EFCAB5: variants seen among roughly 807,000 people sequenced by gnomAD.
EFCAB5 encodes the protein EF-hand calcium-binding domain-containing protein 5.
Under a neutral mutation model 167.9 loss-of-function variants are expected in EFCAB5, and 131 were observed. That is an observed-to-expected ratio of 0.78 (90% CI 0.68 to 0.90). The LOEUF (loss-of-function observed/expected upper bound fraction) is 0.90, where lower values mean the gene tolerates loss of function less well. Among genes scored for constraint, EFCAB5 ranks in the 40% least tolerant of loss-of-function variants. The pLI is 0.00. For missense variants in EFCAB5, 1,663 were observed against 1,745.2 expected (o/e 0.95, Z 0.84); for synonymous variants, 574 against 602.8 (o/e 0.95, Z 0.70).
intron 14 of EFCAB5, chr17:30,068,647 C>T: frequency 6.6e-7 from 1 of 1,526,272 alleles, no homozygotes; most frequent in South Asian, 1.3e-5. Flanking sequence ...GGACATCACG[C>T]TGCTATTCCG....
intron 7 of EFCAB5, among the ~76,000 whole-genome samples, chr17:30,005,202 A>G (rs1190379065): frequency 6.6e-6 from 1 of 152,126 alleles, no homozygotes; most frequent in Non-Finnish European, 1.5e-5. Context: ...TCTTATCACC[A>G]ACAGTAGGTA....
intron 3 of EFCAB5, among the ~76,000 whole-genome samples, chr17:29,962,672 G>T: frequency 2.4e-5 from 3 of 125,226 alleles, no homozygotes; most frequent in South Asian, 2.7e-4. Context: ...TCGGTATGTT[G>T]CCCTATTGAA....
At chr17:30,050,614 C>T (rs1378616702) in intron 8 of EFCAB5, among the ~76,000 whole-genome samples, 1 of 152,048 alleles carries the variant, frequency 6.6e-6, no homozygotes. Flanking sequence ...TTTTTTGAAG[C>T]AATGGAGGTC....
chr17:30,073,673 G>T, intron 14 of EFCAB5: 1 of 712,266 alleles, frequency 1.4e-6, no homozygotes, highest in South Asian at 1.5e-5. Flanking sequence ...TTTTCCTCTT[G>T]AGACCAAATT....
intron 8 of EFCAB5, among the ~76,000 whole-genome samples, chr17:30,041,058 C>T (rs900142993): frequency 6.6e-6 from 1 of 152,122 alleles, no homozygotes; most frequent in African/African-American, 2.4e-5. Context: ...TAAGGACGAC[C>T]CAAATGTGTA....
rs545947771 is a variant in EFCAB5 at position 30,044,176 on chromosome 17, C to G, written c.1201-6942C>G. ...CATCGAAATAGGTTCAATTATTCAT[C>G]AGATTATAATTAATCTGATCAATTA... is the stretch of plus-strand genomic sequence containing the variant. On this transcript the variant is annotated intron_variant, in intron 8 of 22. Transcript: ENST00000394835. 2.6e-5 allele frequency among the ~76,000 whole-genome samples: 4 copies of G among 152,224 alleles called. No homozygotes were observed. The East Asian group carries it at 7.7e-4, about 29-fold the overall frequency.
intron 7 of EFCAB5, among the ~76,000 whole-genome samples, chr17:30,008,983 G>A (rs989747295): frequency 6.6e-6 from 1 of 152,146 alleles, no homozygotes; most frequent in Non-Finnish European, 1.5e-5. Context: ...CCAACTTCTG[G>A]TGGCTGTTGG....
At chr17:30,056,932 AT>A (rs201199173) in intron 12 of EFCAB5, among the ~76,000 whole-genome samples, 23 of 150,754 alleles carry the variant, frequency 1.5e-4, no homozygotes, top group African/African-American at 4.1e-4. Flanking sequence ...GTGAGTAATC[AT>A]TTTTTTTAAT....
At chr17:30,068,772 C>A in intron 14 of EFCAB5, 1 of 1,371,576 alleles carries the variant, frequency 7.3e-7, no homozygotes, top group Non-Finnish European at 1.0e-6. Context: ...CCAAGGGCAA[C>A]TTCTCCAGCC....
chr17:30,059,638 A>T lies in EFCAB5; in HGVS notation c.2674A>T (p.Lys892Ter). 1 of 1,612,998 alleles carries T rather than the reference A, an allele frequency of 6.2e-7. No individual in the cohort carries two copies. Among genetic ancestry groups the T allele is most frequent in the African/African-American group, 1.3e-5 (1 of 75,034 alleles). ...DSDGSGFLDL[K>*]EVDELLYTYK... is the part of the protein sequence containing the mutation. The stretch of plus-strand genomic sequence containing the variant: ...TGATGGCTCAGGCTTCCTGGATCTG[A>T]AGGAAGTTGATGAACTCTTGTACAC... The change falls in exon 14 of 23, where the codon AAG becomes TAG. Residue 892 changes from lysine (K) to a stop codon, truncating the protein, a stop_gained. Transcript: ENST00000394835. LOFTEE classifies it high-confidence loss of function.
At chr17:29,966,321 A>G (rs2067825535) in intron 3 of EFCAB5, among the ~76,000 whole-genome samples, 1 of 152,072 alleles carries the variant, frequency 6.6e-6, no homozygotes, top group Admixed American at 6.6e-5. Flanking sequence ...TGACACTTTT[A>G]TAAGATTAAT....
chr17:30,091,170 C>T (rs2071188224), intron 20 of EFCAB5, among the ~76,000 whole-genome samples: 2 of 152,112 alleles, frequency 1.3e-5, no homozygotes, highest in South Asian at 4.1e-4. Flanking sequence ...GATAAAGATG[C>T]TAAAGACTGC....
rs192845342 is a variant in EFCAB5 at position 30,095,218 on chromosome 17, G to A, written c.4321+2282G>A. ...TTTTCTGTGTAGAACCTGGGTCTCT[G>A]CCAAGTGACCATACCTCCTCCCCTA... On this transcript the variant is annotated intron_variant, in intron 22 of 22. Transcript: ENST00000394835. Among the ~76,000 whole-genome samples the A allele has an allele frequency of 3.4e-4, 52 of 152,002 alleles. No individual in the cohort carries two copies. In the East Asian group the frequency reaches 5.8e-3, roughly 17 times the overall value.
chr17:30,079,083 G>A (rs1192493900), intron 15 of EFCAB5, among the ~76,000 whole-genome samples: 1 of 152,208 alleles, frequency 6.6e-6, no homozygotes, highest in Admixed American at 6.5e-5. Flanking sequence ...GGCAGAAACA[G>A]CACAGCCGCC....
In EFCAB5 at chr17:30,094,507, CAAAAAA is replaced by C. The variant is rs57885339; in HGVS notation, c.4321+1593_4321+1598del. Among the ~76,000 whole-genome samples, 31 of 40,716 alleles carry C rather than the reference CAAAAAA, an allele frequency of 7.6e-4. No individual in the cohort carries two copies. The South Asian group carries it at 0.024, about 31-fold the overall frequency. 26.7% of individuals were successfully genotyped at this position (40,716 alleles called of 152,430 possible). A position where few individuals can be genotyped will look rare whatever the true frequency, so the allele number is the denominator to read the frequency against. On this transcript the variant is annotated intron_variant, in intron 22 of 22. Transcript: ENST00000394835. ...ACAACATGGCAAAATCTTGTCTCTC[CAAAAAA>C]AAAAAAAAAAAAAAAAAAAAATAAC... is the stretch of plus-strand genomic sequence containing the variant.
At chr17:29,999,002 T>G (rs2068604807) in intron 6 of EFCAB5, among the ~76,000 whole-genome samples, 1 of 152,218 alleles carries the variant, frequency 6.6e-6, no homozygotes, top group East Asian at 1.9e-4. Context: ...TTCTCTTGAT[T>G]TTTTTCTTCT....
intron 6 of EFCAB5, among the ~76,000 whole-genome samples, chr17:29,998,829 T>C (rs953982352): frequency 2.0e-5 from 3 of 152,166 alleles, no homozygotes; most frequent in African/African-American, 7.2e-5. Context: ...ATCATGAGCT[T>C]TCATACAATT....
At chr17:29,995,941 T>C (rs1458617816) in intron 5 of EFCAB5, among the ~76,000 whole-genome samples, 1 of 152,222 alleles carries the variant, frequency 6.6e-6, no homozygotes, top group Non-Finnish European at 1.5e-5. Flanking sequence ...ATAAATTTAA[T>C]GTTTTTGCTT....
intron 3 of EFCAB5, among the ~76,000 whole-genome samples, chr17:29,950,266 C>T (rs892707687): frequency 4.6e-5 from 7 of 151,634 alleles, no homozygotes; most frequent in Non-Finnish European, 1.0e-4. Flanking sequence ...TGATATCCTT[C>T]CTTTCTTCCT....
Sources: gnomAD v4.1 joint callset for allele counts (sites outside exome capture counted in the v4.1 genomes callset) on GRCh38, gnomAD v4.1.1 for gene constraint, MANE v1.5 for transcripts, NCBI Gene and HGNC (gene_info 2026-07-23, HGNC 2026-07-21) for gene names.